LMAN1L: variants seen among roughly 807,000 people sequenced by gnomAD.
The protein encoded by LMAN1L is lectin, mannose binding 1 like.
A neutral mutation model predicts 58.3 loss-of-function variants in LMAN1L; 60 were observed. The ratio of observed to expected loss-of-function variants is 1.03; its 90% CI spans 0.84 to 1.27. LMAN1L has a LOEUF of 1.27. LMAN1L is among the 50% of genes most tolerant of loss of function. The probability of loss-of-function intolerance (pLI) is 0.00; values close to 1 mark genes in which losing one functional copy is unlikely to be tolerated. For missense variants in LMAN1L, 629 were observed against 674.0 expected (o/e 0.93, Z 0.74); for synonymous variants, 280 against 271.6 (o/e 1.03, Z -0.31).
At chr15:74,817,921 G>C (rs2063898982) in intron 4 of LMAN1L, among the ~76,000 whole-genome samples, 1 of 151,526 alleles carries the variant, frequency 6.6e-6, no homozygotes, top group Non-Finnish European at 1.5e-5. Context: ...GCTGAGGCAG[G>C]AGAACCGCTT....
chr15:74,819,853 A>G (rs1296561907), intron 6 of LMAN1L, 191 bp from the exon 7 acceptor site: 6 of 641,636 alleles, frequency 9.4e-6, no homozygotes, highest in East Asian at 2.8e-5. Flanking sequence ...GTGAGGTTCA[A>G]CCCTCACCAC....
At position 74,823,616 on chromosome 15, in the gene LMAN1L, T is replaced by C. The variant is rs2063927430; in HGVS notation, c.1257T>C (p.Ile419=). 33 of 1,613,890 alleles carry C rather than the reference T, an allele frequency of 2.0e-5. No homozygotes were observed. The highest frequency in any genetic ancestry group is 1.7e-4 in the Middle Eastern group (1 of 6,058). Reference sequence around the variant, plus strand: ...AGGTCTCCTACCTGCCTGTGGGCATTGAGCATCATTTCTTAGAGCTGGACC... The same window carrying C: ...AGGTCTCCTACCTGCCTGTGGGCATCGAGCATCATTTCTTAGAGCTGGACC... ...EAQVSYLPVG[I]EHHFLELDHI... The change falls in exon 12 of 14, where the codon ATT becomes ATC. Residue 419 remains isoleucine, a synonymous_variant. Coordinates refer to ENST00000309664, the MANE Select transcript of LMAN1L (RefSeq NM_021819.3).
intron 12 of LMAN1L, 89 bp from the exon 13 acceptor site, chr15:74,824,262 A>G: frequency 3.8e-6 from 5 of 1,308,938 alleles, no homozygotes; most frequent in Non-Finnish European, 4.3e-6. Flanking sequence ...TGGGGAAAGG[A>G]AACGGAGCAT....
At chr15:74,813,172 A>G in intron 1 of LMAN1L, 143 bp downstream of exon 1, 1 of 893,092 alleles carries the variant, frequency 1.1e-6, no homozygotes, top group Non-Finnish European at 1.7e-6. Context: ...GCACCCCAGG[A>G]CCCCTTCCAG....
intron 4 of LMAN1L, among the ~76,000 whole-genome samples, chr15:74,818,007 C>T (rs1431430937): frequency 3.6e-5 from 4 of 112,378 alleles, no homozygotes; most frequent in Non-Finnish European, 8.1e-5. Flanking sequence ...AGCAAGACTC[C>T]GTCTCAGAAA....
intron 1 of LMAN1L, among the ~76,000 whole-genome samples, chr15:74,813,996 T>G (rs905701526): frequency 2.6e-5 from 4 of 151,556 alleles, no homozygotes; most frequent in South Asian, 2.1e-4. Flanking sequence ...TGTGGTGGCG[T>G]GCGCCTGTAG....
rs2081390930 is a variant in LMAN1L at position 74,816,436 on chromosome 15, T to C, written c.340T>C (p.Tyr114His). The C allele has an allele frequency of 1.9e-6, 3 of 1,558,704 alleles. No homozygotes were observed. Among genetic ancestry groups the C allele is most frequent in the African/African-American group, 1.4e-5 (1 of 74,042 alleles). ...GGCTGGGGACCTGCAGGCCGTGTGGTACACCCGGGGCAGGGGCCATGTAGG... is the reference window on the plus strand; with the variant it reads ...GGCTGGGGACCTGCAGGCCGTGTGGCACACCCGGGGCAGGGGCCATGTAGG... ...RRGAQGMAVWYTRGRGHVGSV... is the reference protein window; with the variant it reads ...RRGAQGMAVWHTRGRGHVGSV... The change falls in exon 3 of 14, where the codon TAC becomes CAC. Residue 114 changes from tyrosine to histidine, a missense_variant. By Grantham distance (83) the Tyr-to-His change is moderately conservative. Around this residue, in one of 3 missense-constraint regions of LMAN1L, gnomAD observed 573 missense variants for 597.3 expected, o/e 0.96. Coordinates refer to ENST00000309664, the MANE Select transcript of LMAN1L (RefSeq NM_021819.3).
In LMAN1L at chr15:74,825,546, AC is replaced by A; in HGVS notation, c.1527del (p.Arg510GlyfsTer6). 6.2e-7 allele frequency: 1 copy of A among 1,612,962 alleles called. No individual in the cohort carries two copies. Among genetic ancestry groups the A allele is most frequent in the Non-Finnish European group, 8.5e-7 (1 of 1,179,572 alleles). ...GSLPLGPAPH[T>X]PRALGILRRQ... is the part of the protein sequence containing the mutation. Reference sequence around the variant, plus strand: ...CCTTCCTCTGGGTCCTGCACCACACACCCCCAGGGCCCTGGGGATTCTGAGG... The same window carrying A: ...CCTTCCTCTGGGTCCTGCACCACACACCCCAGGGCCCTGGGGATTCTGAGG... On this transcript the variant is annotated frameshift_variant, in exon 14 of 14. Coordinates refer to ENST00000309664, the MANE Select transcript of LMAN1L (RefSeq NM_021819.3). LOFTEE classifies it low-confidence loss of function (END_TRUNC).
At chr15:74,816,774 C>T in intron 4 of LMAN1L, 84 bp downstream of exon 4, 5 of 1,341,054 alleles carry the variant, frequency 3.7e-6, no homozygotes, top group South Asian at 2.7e-5. Context: ...CCTGCCCCAG[C>T]CTCCTCCAGC....
At chr15:74,818,133 C>T (rs1338683134) in intron 4 of LMAN1L, among the ~76,000 whole-genome samples, 1 of 152,124 alleles carries the variant, frequency 6.6e-6, no homozygotes, top group Non-Finnish European at 1.5e-5. Flanking sequence ...GCCTTTGTCC[C>T]CTTAAGGAAG....
At chr15:74,818,878 C>T in intron 5 of LMAN1L, 61 bp downstream of exon 5, 4 of 1,423,298 alleles carry the variant, frequency 2.8e-6, no homozygotes, top group Non-Finnish European at 9.7e-7. Flanking sequence ...TGTGTGCGTG[C>T]CCACGGCCCC....
rs2063939184 is a variant in LMAN1L at position 74,825,703 on chromosome 15, C to A, written c.*98C>A. 1.6e-6 allele frequency: 2 copies of A among 1,237,876 alleles called. No homozygotes were observed. The highest frequency in any genetic ancestry group is 2.8e-4 in the Middle Eastern group (1 of 3,574). The allele number at this position is 1,237,876 out of a possible 1,614,324, so 76.7% of individuals were successfully genotyped here. ...TCCGTCTGGGTGCCCAGCTCCCACG[C>A]ACACCTGAGCTTTCGGCATGCTCCC... On this transcript the variant is annotated 3_prime_UTR_variant, in exon 14 of 14. Coordinates refer to ENST00000309664, the MANE Select transcript of LMAN1L (RefSeq NM_021819.3).
chr15:74,813,647 G>C (rs974791114), intron 1 of LMAN1L, among the ~76,000 whole-genome samples: 1 of 152,230 alleles, frequency 6.6e-6, no homozygotes, highest in African/African-American at 2.4e-5. Flanking sequence ...GGAACTACAC[G>C]ATAGAGGGAG....
At chr15:74,816,812 A>G in intron 4 of LMAN1L, 122 bp downstream of exon 4, 5 of 912,854 alleles carry the variant, frequency 5.5e-6, no homozygotes, top group Middle Eastern at 2.4e-4. Flanking sequence ...GGGCCGCCAT[A>G]CTTGCTGGAC....
At chr15:74,825,049 G>C (rs1187365428) in intron 13 of LMAN1L, 1 of 160,518 alleles carries the variant, frequency 6.2e-6, no homozygotes, top group African/African-American at 2.4e-5. Flanking sequence ...GTTTTGCTTG[G>C]TGTGTGTTTG....
Position 74,816,296 on chromosome 15 carries a change from G to A in LMAN1L, c.315G>A (p.Arg105=). Residue 105 remains arginine, a synonymous_variant, in exon 2 of 14, where the codon CGG becomes CGA. Transcript: ENST00000309664. ...TGAGGGTGACGGGACTGGGGCGCCG[G>A]GGAGCCCAGGGCATGGTGAGTGTCC... The part of the protein sequence containing the change: ...VQMRVTGLGR[R]GAQGMAVWYT... The A allele has an allele frequency of 1.2e-6, 2 of 1,612,252 alleles. No individual in the cohort carries two copies. Among genetic ancestry groups the A allele is most frequent in the Non-Finnish European group, 1.7e-6 (2 of 1,179,802 alleles).
Position 74,824,335 on chromosome 15 carries a change from G to C in LMAN1L, c.1324-16G>C. ...GGTAAGAAGCTAAGCTAGGACCTTA[G>C]ACTTTCCCCTTTCAGAAGGCAGCAG... On this transcript the variant is annotated splice_polypyrimidine_tract_variant and intron_variant, in intron 12 of 13. Transcript: ENST00000309664. The C allele has an allele frequency of 6.2e-7, 1 of 1,613,314 alleles. No individual in the cohort carries two copies. The highest frequency in any genetic ancestry group is 8.5e-7 in the Non-Finnish European group (1 of 1,179,520).
chr15:74,814,752 G>A (rs1348197460), intron 1 of LMAN1L, among the ~76,000 whole-genome samples: 4 of 151,900 alleles, frequency 2.6e-5, no homozygotes, highest in African/African-American at 4.8e-5. Context: ...CAGATGATCC[G>A]CCTGCCTCGG....
Position 74,820,699 on chromosome 15 carries a change from G to C in LMAN1L, c.839G>C (p.Trp280Ser), listed in dbSNP as rs142024915. 6.2e-7 allele frequency: 1 copy of C among 1,613,786 alleles called. No individual in the cohort carries two copies. Among genetic ancestry groups the C allele is most frequent in the Non-Finnish European group, 8.5e-7 (1 of 1,180,006 alleles). The change falls in exon 8 of 14, where the codon TGG (tryptophan) becomes TCG (serine). Residue 280 changes from tryptophan (W) to serine (S), a missense_variant. By Grantham distance (177) the Trp-to-Ser change is radical. Coordinates refer to ENST00000309664, the MANE Select transcript of LMAN1L (RefSeq NM_021819.3). ...LRLARQLEGL[W>S]ARLGLGTRED... The stretch of plus-strand genomic sequence containing the variant: ...CTGGCGAGGCAGCTGGAAGGGCTGT[G>C]GGCAAGGCTGGGCTTGGGCACCAGG...
Sources: allele counts gnomAD v4.1 joint callset (sites outside exome capture counted in the v4.1 genomes callset), GRCh38; gene constraint gnomAD v4.1.1; regional missense constraint gnomAD v4.1.1; transcripts MANE v1.5; gene names NCBI Gene and HGNC (gene_info 2026-07-23, HGNC 2026-07-21).